UBR1: variants seen among roughly 807,000 people sequenced by gnomAD.
UBR1 encodes E3 ubiquitin-protein ligase UBR1.
Under a neutral mutation model 242.1 loss-of-function variants are expected in UBR1, and 102 were observed. That is an observed-to-expected ratio of 0.42 (90% confidence interval 0.36 to 0.50). The LOEUF is 0.50. Among genes scored for constraint, UBR1 ranks in the 20% least tolerant of loss-of-function variants. UBR1 has a pLI of 0.01. For synonymous variants in UBR1, 675 were observed against 684.8 expected (o/e 0.99, Z 0.22); for missense variants, 1,772 against 2,101.8 (o/e 0.84, Z 3.07).
chr15:43,059,371 T>G (rs2033655308), intron 8 of UBR1, among the ~76,000 whole-genome samples, 179 bp from the exon 9 acceptor site: 1 of 152,200 alleles, frequency 6.6e-6, no homozygotes, highest in Non-Finnish European at 1.5e-5. Context: ...AGCCATAATT[T>G]TTATTCTTAT....
intron 20 of UBR1, 103 bp from the exon 21 acceptor site, chr15:43,030,171 A>C: frequency 7.5e-7 from 1 of 1,333,070 alleles, no homozygotes; most frequent in South Asian, 1.3e-5. Context: ...CATTAAATTA[A>C]ATCTGTGAGA....
chr15:43,002,413 G>T, intron 32 of UBR1, 142 bp downstream of exon 32: 2 of 943,696 alleles, frequency 2.1e-6, no homozygotes, highest in South Asian at 1.6e-5. Flanking sequence ...TAGAGATGGG[G>T]TTTTACCATG....
At chr15:43,065,312 TTC>T (rs1468347389) in intron 6 of UBR1, among the ~76,000 whole-genome samples, 2 of 152,218 alleles carry the variant, frequency 1.3e-5, no homozygotes, top group African/African-American at 4.8e-5. Flanking sequence ...TTGCCCACTT[TTC>T]TCTTTCTTCC....
chr15:43,050,807 C>T (rs1356424036), intron 12 of UBR1, among the ~76,000 whole-genome samples: 1 of 151,530 alleles, frequency 6.6e-6, no homozygotes, highest in African/African-American at 2.4e-5. Flanking sequence ...TACATGCTGC[C>T]AACAATTACA....
chr15:42,988,571 C>T (rs998954), intron 35 of UBR1: 10,481 of 469,946 alleles, frequency 0.022, 171 homozygotes, highest in Middle Eastern at 0.041. Flanking sequence ...CATAATCCAC[C>T]GTGCCCAGCT....
At chr15:42,993,435 C>T (rs1033698388) in intron 33 of UBR1, among the ~76,000 whole-genome samples, 6 of 151,674 alleles carry the variant, frequency 4.0e-5, no homozygotes, top group Non-Finnish European at 8.8e-5. Context: ...GCAATCTCGG[C>T]TCACTGCAAC....
chr15:42,986,954 A>G (rs939514266), intron 35 of UBR1, among the ~76,000 whole-genome samples: 6 of 152,172 alleles, frequency 3.9e-5, no homozygotes, highest in African/African-American at 1.4e-4. Flanking sequence ...TTTGACTCTG[A>G]CAGGGAGCAG....
In UBR1 at chr15:42,943,895, C is replaced by T. The variant is rs1337601389; in HGVS notation, c.*1434G>A. 6.6e-6 allele frequency: 1 copy of T among 152,440 alleles called. No individual in the cohort carries two copies. The highest frequency in any genetic ancestry group is 1.5e-5 in the Non-Finnish European group (1 of 68,042). The allele number at this position is 152,440 out of a possible 1,614,324, so 9.4% of individuals were successfully genotyped here. On this transcript the variant is annotated 3_prime_UTR_variant, in exon 47 of 47. Transcript: ENST00000290650. ...ATCATGATTGTGATTCTGACGCCTGCTCATGCCAATCCCTTACTGCAAAAT... is the reference window on the plus strand; with the variant it reads ...ATCATGATTGTGATTCTGACGCCTGTTCATGCCAATCCCTTACTGCAAAAT...
intron 27 of UBR1, among the ~76,000 whole-genome samples, chr15:43,019,166 A>G (rs2033070285): frequency 6.6e-6 from 1 of 151,928 alleles, no homozygotes. Flanking sequence ...GGTTCAAGCC[A>G]TTCTCCTGCC....
At chr15:43,018,169 A>C (rs2033055957) in intron 27 of UBR1, among the ~76,000 whole-genome samples, 1 of 151,696 alleles carries the variant, frequency 6.6e-6, no homozygotes, top group Non-Finnish European at 1.5e-5. Context: ...CGCCCGGCTA[A>C]TTTTTGTATT....
intron 3 of UBR1, among the ~76,000 whole-genome samples, chr15:43,076,623 C>T (rs2033900350): frequency 1.3e-5 from 2 of 150,084 alleles, no homozygotes; most frequent in South Asian, 2.1e-4. Flanking sequence ...AGGAGCCTCT[C>T]TGCCCGGCCG....
intron 8 of UBR1, 55 bp from the exon 9 acceptor site, chr15:43,059,247 A>G (rs2033653914): frequency 6.6e-7 from 1 of 1,504,412 alleles, no homozygotes. Context: ...TTCTTTTTAA[A>G]TAGAGATGAG....
At chr15:43,055,354 G>C (rs2033604001) in intron 11 of UBR1, among the ~76,000 whole-genome samples, 1 of 152,120 alleles carries the variant, frequency 6.6e-6, no homozygotes, top group South Asian at 2.1e-4. Context: ...TGAGGCAGGA[G>C]AATCGCTTGA....
Position 43,007,156 on chromosome 15 carries a change from G to A in UBR1, c.3338C>T (p.Ala1113Val). 6.2e-7 allele frequency: 1 copy of A among 1,614,104 alleles called. No homozygotes were observed. Among genetic ancestry groups the A allele is most frequent in the Admixed American group, 1.7e-5 (1 of 60,006 alleles). Reference sequence around the variant, plus strand: ...CTGGACACAGGCCGATAATACCATGGCATTATTTTCTATTTTCACCTCCTG... The same window carrying A: ...CTGGACACAGGCCGATAATACCATGACATTATTTTCTATTTTCACCTCCTG... ...EEQEVKIENN[A>V]MVLSACVQKS... Residue 1113 changes from alanine to valine, a missense_variant, in exon 30 of 47, where the codon GCC becomes GTC. Ala to Val is a moderately conservative substitution (Grantham distance 64). Around this residue, in one of 3 missense-constraint regions of UBR1, gnomAD observed 965 missense variants for 1,079.7 expected, o/e 0.89. Coordinates refer to ENST00000290650, the MANE Select transcript of UBR1 (RefSeq NM_174916.3).
Position 43,030,011 on chromosome 15 carries a change from T to G in UBR1, c.2312A>C (p.Glu771Ala). 6.2e-7 allele frequency: 1 copy of G among 1,614,120 alleles called. No homozygotes were observed. Among genetic ancestry groups the G allele is most frequent in the Non-Finnish European group, 8.5e-7 (1 of 1,179,988 alleles). The change falls in exon 21 of 47, where the codon GAA (glutamate) becomes GCA (alanine). Residue 771 changes from glutamate to alanine, a missense_variant. Glu to Ala is a moderately radical substitution (Grantham distance 107). Coordinates refer to ENST00000290650, the MANE Select transcript of UBR1 (RefSeq NM_174916.3). ...TTCAATGCAAAGCAAGTGAATGATTTCTCTCATTGTGACCTCTTCTTTGGT... is the reference window on the plus strand; with the variant it reads ...TTCAATGCAAAGCAAGTGAATGATTGCTCTCATTGTGACCTCTTCTTTGGT... ...NVTKEEVTMR[E>A]IIHLLCIEPM...
chr15:42,979,809 TG>T (rs1471186048), intron 37 of UBR1, among the ~76,000 whole-genome samples: 1 of 152,108 alleles, frequency 6.6e-6, no homozygotes, highest in Non-Finnish European at 1.5e-5. Flanking sequence ...CCACCTCCCC[TG>T]GCTTCTCAAA....
chr15:43,028,287 C>A (rs997219039), intron 21 of UBR1, among the ~76,000 whole-genome samples: 2 of 152,128 alleles, frequency 1.3e-5, no homozygotes, highest in African/African-American at 4.8e-5. Flanking sequence ...ATATATTCTA[C>A]CTTTTGCAAG....
chr15:43,075,744 TA>T (rs2033880475), intron 3 of UBR1, among the ~76,000 whole-genome samples: 1 of 151,974 alleles, frequency 6.6e-6, no homozygotes. Flanking sequence ...GCCTCCCAAG[TA>T]GCTGGGACTA....
chr15:43,006,091 T>TAAAAA (rs1257692507), intron 30 of UBR1, among the ~76,000 whole-genome samples: 19 of 71,550 alleles, frequency 2.7e-4, no homozygotes, highest in Middle Eastern at 8.8e-3. Context: ...CAATAAATAC[T>TAAAAA]AAAAAAAAAA....
Sources: gnomAD v4.1 joint callset for allele counts (sites outside exome capture counted in the v4.1 genomes callset) on GRCh38, gnomAD v4.1.1 for gene constraint, gnomAD v4.1.1 regional missense constraint, MANE v1.5 for transcripts, NCBI Gene and HGNC (gene_info 2026-07-23, HGNC 2026-07-21) for gene names.